The following CPM variants were observed in gnomAD, a reference collection of about 807,000 sequenced individuals.
CPM encodes the protein renal carboxypeptidase.
Under a neutral mutation model 46.4 loss-of-function variants are expected in CPM, and 35 were observed. That is an observed-to-expected ratio of 0.75 (90% confidence interval 0.58 to 1.00). The LOEUF is 1.00. CPM is among the 50% of genes least tolerant of loss of function. The probability of loss-of-function intolerance (pLI) is 0.00; values close to 1 mark genes in which losing one functional copy is unlikely to be tolerated. For synonymous variants in CPM, 195 were observed against 195.3 expected, an observed-to-expected ratio of 1.00 and a Z score of 0.01; for missense variants, 422 against 530.4, an observed-to-expected ratio of 0.80 and a Z score of 2.01.
chr12:68,935,942 A>G (rs1453318989), upstream of CPM, among the ~76,000 whole-genome samples: 2 of 152,138 alleles, frequency 1.3e-5, no homozygotes, highest in Non-Finnish European at 2.9e-5. Flanking sequence ...CTTCATCAAT[A>G]CTGGAATGGA....
At chr12:68,883,309 T>C (rs1461921593) in intron 3 of CPM, among the ~76,000 whole-genome samples, 2 of 152,238 alleles carry the variant, frequency 1.3e-5, no homozygotes, top group African/African-American at 4.8e-5. Flanking sequence ...GGGGTTGTTA[T>C]ATCCTGTATT....
Position 68,871,792 on chromosome 12 carries a change from G to A in CPM, c.423C>T (p.Ser141=), listed in dbSNP as rs773505991. The A allele has an allele frequency of 1.9e-6, 3 of 1,614,144 alleles. No homozygotes were observed. Among genetic ancestry groups the A allele is most frequent in the Non-Finnish European group, 2.5e-6 (3 of 1,180,010 alleles). The change falls in exon 4 of 9, where the codon AGC becomes AGT. Residue 141 remains serine (S), a synonymous_variant. Coordinates refer to ENST00000551568, the MANE Select transcript of CPM (RefSeq NM_198320.5). Reference sequence around the variant, plus strand: ...GACCAGCCCCTCTTTACCTTCCGATGCTGTAATAACAGTCAGGCTTTTTGA... The same window carrying A: ...GACCAGCCCCTCTTTACCTTCCGATACTGTAATAACAGTCAGGCTTTTTGA... ...EAVKKPDCYY[S]IGRENYNQYD...
rs535041850 is a variant in CPM at position 68,868,599 on chromosome 12, T to C, written c.787+726A>G. On this transcript the variant is annotated intron_variant, in intron 6 of 8. Coordinates refer to ENST00000551568, the MANE Select transcript of CPM (RefSeq NM_198320.5). ...GGGTTTCTGTTTATATTATTCCCTC[T>C]AATAAGAATATCTCTCCTTCCATGT... Among the ~76,000 whole-genome samples the C allele has an allele frequency of 4.7e-4, 71 of 152,122 alleles. 1 individual carries two copies. Among genetic ancestry groups the C allele is most frequent in the Non-Finnish European group, 1.0e-3 (68 of 68,006 alleles).
At chr12:68,896,102 T>C (rs1320080179) in intron 2 of CPM, among the ~76,000 whole-genome samples, 1 of 152,202 alleles carries the variant, frequency 6.6e-6, no homozygotes, top group Non-Finnish European at 1.5e-5. Context: ...TTCTTCTTTA[T>C]GTGTAGTTCC....
intron 3 of CPM, among the ~76,000 whole-genome samples, chr12:68,872,724 T>C (rs1885764255): frequency 1.3e-5 from 2 of 150,370 alleles, no homozygotes; most frequent in African/African-American, 5.0e-5. Context: ...AGACTTAAAA[T>C]CATCACATTG....
chr12:68,927,153 T>G (rs1219856083), intron 2 of CPM, among the ~76,000 whole-genome samples: 7 of 151,530 alleles, frequency 4.6e-5, no homozygotes, highest in East Asian at 3.9e-4. Context: ...ACTTCCACAA[T>G]GGTTGAACTA....
intron 5 of CPM, 104 bp downstream of exon 5, chr12:68,870,111 G>T: frequency 8.6e-7 from 1 of 1,168,496 alleles, no homozygotes; most frequent in Non-Finnish European, 1.2e-6. Context: ...CACCCTGCCA[G>T]AGAAGTTAAG....
Position 68,871,974 on chromosome 12 carries a change from A to G in CPM, c.259-18T>C. ...CCAACAGTCTATATGTGTTAAAGAG[A>G]AAAGAGGACATTATTAGGTCAGAGG... On this transcript the variant is annotated intron_variant, in intron 3 of 8. Transcript: ENST00000551568. The G allele has an allele frequency of 6.2e-6, 10 of 1,613,692 alleles. No homozygotes were observed. The highest frequency in any genetic ancestry group is 8.5e-6 in the Non-Finnish European group (10 of 1,179,804).
chr12:68,912,421 T>A (rs1035345025), intron 2 of CPM, among the ~76,000 whole-genome samples: 1 of 152,212 alleles, frequency 6.6e-6, no homozygotes, highest in Non-Finnish European at 1.5e-5. Context: ...CTTTTTCATA[T>A]CAAGTTTTAA....
At chr12:68,893,943 T>C (rs1471488215) in intron 2 of CPM, among the ~76,000 whole-genome samples, 1 of 152,146 alleles carries the variant, frequency 6.6e-6, no homozygotes, top group African/African-American at 2.4e-5. Flanking sequence ...TTCTAACTGA[T>C]TGCCTGGACA....
chr12:68,937,016 C>T (rs931291970), upstream of CPM, among the ~76,000 whole-genome samples: 5 of 152,046 alleles, frequency 3.3e-5, no homozygotes, highest in Non-Finnish European at 7.4e-5. Context: ...TTGCTTATCA[C>T]AAAGCAAGAT....
intron 2 of CPM, among the ~76,000 whole-genome samples, chr12:68,915,304 T>C (rs983033369): frequency 3.3e-5 from 5 of 152,208 alleles, no homozygotes; most frequent in Non-Finnish European, 2.9e-5. Flanking sequence ...GATGCTAAGA[T>C]ACATTAGAAA....
At chr12:68,953,252 T>A (rs1311930072) in intron 1 of CPM, among the ~76,000 whole-genome samples, 1 of 146,388 alleles carries the variant, frequency 6.8e-6, no homozygotes, top group African/African-American at 2.5e-5. Flanking sequence ...TTTCTCTCTC[T>A]TTTTTTTTTT....
At chr12:68,902,833 C>T (rs956834120) in intron 2 of CPM, among the ~76,000 whole-genome samples, 1 of 152,158 alleles carries the variant, frequency 6.6e-6, no homozygotes, top group Admixed American at 6.5e-5. Flanking sequence ...TCTTCTATTA[C>T]TACCTCAGAG....
chr12:68,847,194 C>CA (rs1565756731), downstream of CPM: 5 of 52,316 alleles, frequency 9.6e-5, no homozygotes, highest in African/African-American at 4.6e-4. Flanking sequence ...TGTGTGTGTA[C>CA]ATTATATATA....
downstream of CPM, chr12:68,849,034 CA>C (rs1205937352): frequency 2.6e-5 from 4 of 150,974 alleles, no homozygotes; most frequent in Non-Finnish European, 4.4e-5. Flanking sequence ...TTTTTAACCA[CA>C]AGGTGGGAGG....
chr12:68,949,172 A>G (rs759427335), intron 1 of CPM, among the ~76,000 whole-genome samples: 2 of 152,208 alleles, frequency 1.3e-5, no homozygotes, highest in African/African-American at 2.4e-5. Context: ...GAAGTTCAAT[A>G]CCAGCCTAGC....
intron 2 of CPM, among the ~76,000 whole-genome samples, chr12:68,912,896 T>C (rs1437861451): frequency 6.6e-6 from 1 of 152,184 alleles, no homozygotes; most frequent in Non-Finnish European, 1.5e-5. Flanking sequence ...TTAATACACT[T>C]CTATCTCCAT....
intron 8 of CPM, 144 bp downstream of exon 8, chr12:68,858,779 A>G (rs1282535305): frequency 7.1e-6 from 3 of 423,424 alleles, no homozygotes; most frequent in Non-Finnish European, 1.2e-5. Context: ...CCTCCTGCCA[A>G]TTGCAAGTCT....
Sources: gnomAD v4.1 joint callset for allele counts (sites outside exome capture counted in the v4.1 genomes callset) on GRCh38, gnomAD v4.1.1 for gene constraint, MANE v1.5 for transcripts, NCBI Gene and HGNC (gene_info 2026-07-23, HGNC 2026-07-21) for gene names.